The following MBNL2 variants were observed in gnomAD, a reference collection of about 807,000 sequenced individuals.
MBNL2 encodes the protein muscleblind-like protein 2.
A neutral mutation model predicts 41.9 loss-of-function variants in MBNL2; 17 were observed. That is an observed-to-expected ratio of 0.41 (90% CI 0.28 to 0.61). The LOEUF (loss-of-function observed/expected upper bound fraction) is 0.61, where lower values mean the gene tolerates loss of function less well. Ranked by LOEUF, MBNL2 falls within the 20% of genes least tolerant of loss-of-function variation. The probability of loss-of-function intolerance (pLI) is 0.35; values close to 1 mark genes in which losing one functional copy is unlikely to be tolerated. For missense variants in MBNL2, 336 were observed against 505.6 expected (o/e 0.66, Z 3.22); for synonymous variants, 195 against 182.9 (o/e 1.07, Z -0.53).
intron 1 of MBNL2, among the ~76,000 whole-genome samples, chr13:97,223,602 T>C (rs1159140269): frequency 6.6e-6 from 1 of 152,240 alleles, no homozygotes; most frequent in East Asian, 1.9e-4. Context: ...CAAGAAACAT[T>C]ACTGTCCCTT....
At chr13:97,176,379 G>T in the MBNL2 span, among the ~76,000 whole-genome samples, 5 of 152,212 alleles carry the variant, frequency 3.3e-5, no homozygotes, top group Admixed American at 6.5e-5. Flanking sequence ...AAGGTCCCAG[G>T]GGTTGGGGCA....
chr13:97,280,645 A>T (rs1264733109), intron 2 of MBNL2, among the ~76,000 whole-genome samples: 1 of 152,180 alleles, frequency 6.6e-6, no homozygotes, highest in Non-Finnish European at 1.5e-5. Context: ...GCCCTGTGAG[A>T]TCTGCTTCCC....
intron 1 of MBNL2, among the ~76,000 whole-genome samples, chr13:97,229,915 G>T (rs1281518741): frequency 6.6e-6 from 1 of 152,204 alleles, no homozygotes; most frequent in African/African-American, 2.4e-5. Flanking sequence ...AAGTGGAAAA[G>T]GGTTGCATTA....
At chr13:97,145,279 G>A in the MBNL2 span, among the ~76,000 whole-genome samples, 1 of 152,160 alleles carries the variant, frequency 6.6e-6, no homozygotes, top group African/African-American at 2.4e-5. Flanking sequence ...GACCAGGCCT[G>A]ACTGATCCTG....
At chr13:97,276,512 T>C in intron 2 of MBNL2, 103 bp downstream of exon 2, 1 of 1,129,566 alleles carries the variant, frequency 8.9e-7, no homozygotes, top group South Asian at 1.5e-5. Flanking sequence ...GCTTTTAGAT[T>C]CTATTTTCTT....
At chr13:97,283,625 G>T (rs2053853878) in intron 2 of MBNL2, among the ~76,000 whole-genome samples, 1 of 152,064 alleles carries the variant, frequency 6.6e-6, no homozygotes, top group Non-Finnish European at 1.5e-5. Flanking sequence ...AATCTGCAGG[G>T]TTTCATGTTT....
chr13:97,361,547 A>C (rs1052198722), intron 7 of MBNL2, among the ~76,000 whole-genome samples: 4 of 152,052 alleles, frequency 2.6e-5, no homozygotes, highest in Admixed American at 6.5e-5. Flanking sequence ...TTAGAGAGAG[A>C]GGCTCATGGA....
rs745822245 is a variant in MBNL2 at position 97,242,217 on chromosome 13, GTTC to G, written c.-605+19692_-605+19694del. Among the ~76,000 whole-genome samples, 3 of 152,168 alleles carry G rather than the reference GTTC, an allele frequency of 2.0e-5. No homozygotes were observed. The East Asian group carries it at 5.8e-4, about 29-fold the overall frequency. Reference sequence around the variant, plus strand: ...GTGTCTTTGGAACCCAAAAGGCAATGTTCTTCTTTGTGCTTTAGGGTGTTTAGA... The same window carrying G: ...GTGTCTTTGGAACCCAAAAGGCAATGTTCTTTGTGCTTTAGGGTGTTTAGA... On this transcript the variant is annotated intron_variant, in intron 1 of 8. Coordinates refer to ENST00000679496, the MANE Select transcript of MBNL2 (RefSeq NM_001382683.1).
At chr13:97,154,248 T>A in the MBNL2 span, among the ~76,000 whole-genome samples, 32 of 152,152 alleles carry the variant, frequency 2.1e-4, no homozygotes, top group Non-Finnish European at 4.4e-4. Context: ...CTCATAAAAA[T>A]TTTAAATAAG....
chr13:97,254,288 C>T (rs2047122632), intron 1 of MBNL2, among the ~76,000 whole-genome samples: 1 of 152,032 alleles, frequency 6.6e-6, no homozygotes, highest in Admixed American at 6.6e-5. Flanking sequence ...TGAATAGTTT[C>T]CAAATGTGAA....
the MBNL2 span, among the ~76,000 whole-genome samples, chr13:97,165,616 C>T: frequency 6.6e-6 from 1 of 152,072 alleles, no homozygotes; most frequent in South Asian, 2.1e-4. Flanking sequence ...TTTAATAATG[C>T]AAATTATGAA....
chr13:97,385,259 G>A (rs1457395318), intron 8 of MBNL2, among the ~76,000 whole-genome samples: 3 of 152,210 alleles, frequency 2.0e-5, no homozygotes, highest in African/African-American at 7.2e-5. Flanking sequence ...TGGTTTGGCT[G>A]TGGACCCAGT....
At chr13:97,279,605 A>G (rs1385792004) in intron 2 of MBNL2, among the ~76,000 whole-genome samples, 1 of 152,238 alleles carries the variant, frequency 6.6e-6, no homozygotes, top group Admixed American at 6.5e-5. Flanking sequence ...ACAAGAAAAA[A>G]GATTTGGGGG....
the MBNL2 span, among the ~76,000 whole-genome samples, chr13:97,174,658 T>C: frequency 6.6e-6 from 1 of 152,218 alleles, no homozygotes; most frequent in Non-Finnish European, 1.5e-5. Flanking sequence ...TCACAGAGCA[T>C]GGCTGAAAAC....
intron 5 of MBNL2, among the ~76,000 whole-genome samples, chr13:97,353,403 A>C (rs1452260781): frequency 1.3e-5 from 2 of 152,210 alleles, no homozygotes; most frequent in Non-Finnish European, 2.9e-5. Flanking sequence ...AAAAACTATT[A>C]CTTTATTTCC....
chr13:97,163,351 C>G, the MBNL2 span, among the ~76,000 whole-genome samples: 41 of 152,244 alleles, frequency 2.7e-4, no homozygotes, highest in South Asian at 8.1e-3. Context: ...CCTAGAGCAG[C>G]CTTGCCCTGT....
At chr13:97,286,045 A>G (rs2054369830) in intron 2 of MBNL2, among the ~76,000 whole-genome samples, 1 of 152,230 alleles carries the variant, frequency 6.6e-6, no homozygotes, top group African/African-American at 2.4e-5. Context: ...TTGGCCTGCC[A>G]CATGTCTTTA....
At chr13:97,252,427 C>G in intron 1 of MBNL2, among the ~76,000 whole-genome samples, 1 of 152,050 alleles carries the variant, frequency 6.6e-6, no homozygotes, top group East Asian at 1.9e-4. Context: ...TAAAAAATCC[C>G]TTTGAGGTTT....
At chr13:97,335,397 A>C (rs28581860) in intron 3 of MBNL2, among the ~76,000 whole-genome samples, 1 of 152,066 alleles carries the variant, frequency 6.6e-6, no homozygotes, top group African/African-American at 2.4e-5. Flanking sequence ...AGTCTGCATG[A>C]CTGAAACCTA....
Sources: gnomAD v4.1 joint callset for allele counts (sites outside exome capture counted in the v4.1 genomes callset) on GRCh38, gnomAD v4.1.1 for gene constraint, MANE v1.5 for transcripts, NCBI Gene and HGNC (gene_info 2026-07-23, HGNC 2026-07-21) for gene names.